Variants in NALF1 observed in about 807,000 individuals in gnomAD.
The protein encoded by NALF1 is family with sequence similarity 155 member A.
A neutral mutation model predicts 48.4 loss-of-function variants in NALF1; 3 were observed. That is an observed-to-expected ratio of 0.06 (90% confidence interval 0.03 to 0.16). The LOEUF (loss-of-function observed/expected upper bound fraction) is 0.16. Ranked by LOEUF, NALF1 falls within the 10% of genes least tolerant of loss-of-function variation. The pLI is 1.00. For synonymous variants in NALF1, 262 were observed against 245.7 expected (o/e 1.07, Z -0.62); for missense variants, 526 against 571.5 (o/e 0.92, Z 0.81).
At position 107,481,168 on chromosome 13, in the gene NALF1, G is replaced by A. The variant is rs182955734; in HGVS notation, c.916-270413C>T. 3.5e-3 allele frequency among the ~76,000 whole-genome samples: 528 copies of A among 152,146 alleles called. 4 individuals are homozygous for A. The highest frequency in any genetic ancestry group is 0.012 in the African/African-American group (507 of 41,498). On this transcript the variant is annotated intron_variant, in intron 1 of 2. Transcript: ENST00000375915. ...CTGCTTTGACAAACATATTACCACTGGATTGATTGCTGAGAGCTTAATTAG... is the reference window on the plus strand; with the variant it reads ...CTGCTTTGACAAACATATTACCACTAGATTGATTGCTGAGAGCTTAATTAG...
At chr13:107,783,273 G>A (rs1281789263) in intron 1 of NALF1, among the ~76,000 whole-genome samples, 17 of 138,738 alleles carry the variant, frequency 1.2e-4, no homozygotes, top group African/African-American at 3.8e-4. Context: ...CAGTCGCCCC[G>A]TCCGGGAGGT....
chr13:107,582,271 T>A (rs912384517), intron 1 of NALF1, among the ~76,000 whole-genome samples: 1 of 152,192 alleles, frequency 6.6e-6, no homozygotes, highest in East Asian at 1.9e-4. Flanking sequence ...GGATAAGGCA[T>A]GGGCCCTGCT....
intron 1 of NALF1, among the ~76,000 whole-genome samples, chr13:107,504,467 T>A (rs77491637): frequency 6.6e-6 from 1 of 152,148 alleles, no homozygotes; most frequent in Non-Finnish European, 1.5e-5. Flanking sequence ...GATAGATATG[T>A]TAATCTGATT....
intron 1 of NALF1, among the ~76,000 whole-genome samples, chr13:107,798,409 A>T (rs189414764): frequency 6.6e-6 from 1 of 152,328 alleles, no homozygotes; most frequent in East Asian, 1.9e-4. Flanking sequence ...TAATATATTA[A>T]CAGAATTTTC....
At chr13:107,258,064 T>C (rs1880855981) in intron 1 of NALF1, among the ~76,000 whole-genome samples, 1 of 152,166 alleles carries the variant, frequency 6.6e-6, no homozygotes, top group African/African-American at 2.4e-5. Context: ...GGGAGTAGCT[T>C]TGGGAGAAGA....
intron 1 of NALF1, among the ~76,000 whole-genome samples, chr13:107,704,824 C>T (rs1344708990): frequency 6.6e-6 from 1 of 152,120 alleles, no homozygotes; most frequent in Non-Finnish European, 1.5e-5. Context: ...ATTTCTCTAG[C>T]TCACTATTTC....
At chr13:107,482,797 G>A (rs570412874) in intron 1 of NALF1, among the ~76,000 whole-genome samples, 15 of 152,218 alleles carry the variant, frequency 9.9e-5, no homozygotes, top group African/African-American at 3.1e-4. Flanking sequence ...ATGAGAAAAC[G>A]CAGTCCCAAA....
At chr13:107,309,347 A>G (rs1882000290) in intron 1 of NALF1, among the ~76,000 whole-genome samples, 1 of 152,252 alleles carries the variant, frequency 6.6e-6, no homozygotes. Context: ...TCACTGGCAT[A>G]CAGAGTTTTT....
intron 1 of NALF1, among the ~76,000 whole-genome samples, chr13:107,266,993 C>G (rs934062210): frequency 6.6e-6 from 1 of 152,292 alleles, no homozygotes; most frequent in South Asian, 2.1e-4. Flanking sequence ...TTTACCGAGC[C>G]AGTGTTACTT....
At chr13:107,370,540 T>C (rs1283717135) in intron 1 of NALF1, among the ~76,000 whole-genome samples, 1 of 152,224 alleles carries the variant, frequency 6.6e-6, no homozygotes, top group African/African-American at 2.4e-5. Flanking sequence ...TAAACTCTTC[T>C]GCAGATAGAT....
At chr13:107,303,055 T>C (rs1881868505) in intron 1 of NALF1, among the ~76,000 whole-genome samples, 1 of 152,226 alleles carries the variant, frequency 6.6e-6, no homozygotes, top group Non-Finnish European at 1.5e-5. Flanking sequence ...TTTTATTTTT[T>C]GTTGTTGTTT....
chr13:107,811,057 C>T (rs1878974948), intron 1 of NALF1, among the ~76,000 whole-genome samples: 1 of 152,084 alleles, frequency 6.6e-6, no homozygotes, highest in Non-Finnish European at 1.5e-5. Flanking sequence ...TACTGTGACA[C>T]ACTACACCTT....
intron 1 of NALF1, among the ~76,000 whole-genome samples, chr13:107,310,255 C>A (rs1268667986): frequency 6.6e-6 from 1 of 151,752 alleles, no homozygotes; most frequent in Non-Finnish European, 1.5e-5. Flanking sequence ...ACTAAAAATA[C>A]AAAAATTAGC....
intron 1 of NALF1, among the ~76,000 whole-genome samples, chr13:107,599,737 T>G (rs1163645419): frequency 6.6e-6 from 1 of 152,196 alleles, no homozygotes; most frequent in Admixed American, 6.5e-5. Flanking sequence ...ACTAGTATAA[T>G]GGGATAAGAA....
At chr13:107,539,004 TCTCA>T (rs1313113196) in intron 1 of NALF1, among the ~76,000 whole-genome samples, 1 of 149,814 alleles carries the variant, frequency 6.7e-6, no homozygotes, top group African/African-American at 2.5e-5. Flanking sequence ...TTAGTATTTA[TCTCA>T]CTCAAGAAAT....
At chr13:107,532,700 C>A (rs1876678602) in intron 1 of NALF1, among the ~76,000 whole-genome samples, 1 of 151,906 alleles carries the variant, frequency 6.6e-6, no homozygotes. Flanking sequence ...TTTAATTTTT[C>A]TGTCTCATGT....
At chr13:107,176,213 G>C (rs1235530168) in intron 2 of NALF1, among the ~76,000 whole-genome samples, 3 of 152,022 alleles carry the variant, frequency 2.0e-5, no homozygotes, top group African/African-American at 7.3e-5. Context: ...AAATTTTCCG[G>C]GTAGTGAAAT....
At chr13:107,571,681 G>A (rs973265742) in intron 1 of NALF1, among the ~76,000 whole-genome samples, 2 of 152,118 alleles carry the variant, frequency 1.3e-5, no homozygotes, top group East Asian at 1.9e-4. Flanking sequence ...TGACAACTTC[G>A]GACTTGAGAC....
At chr13:107,679,571 G>A (rs1266876888) in intron 1 of NALF1, among the ~76,000 whole-genome samples, 3 of 152,184 alleles carry the variant, frequency 2.0e-5, no homozygotes, top group Non-Finnish European at 4.4e-5. Context: ...TGGGCTCTGT[G>A]CCCTGATGGA....
Sources: allele counts gnomAD v4.1 joint callset (sites outside exome capture counted in the v4.1 genomes callset), GRCh38; gene constraint gnomAD v4.1.1; transcripts MANE v1.5; gene names NCBI Gene and HGNC (gene_info 2026-07-23, HGNC 2026-07-21).